The following NPC2 variants were observed in gnomAD, a reference collection of about 807,000 sequenced individuals.
NPC2 encodes the protein NPC intracellular cholesterol transporter 2, also known as Niemann-Pick disease type C2 protein.
In NPC2, 14 loss-of-function variants were observed where a neutral mutation model predicts 17.0. The ratio of observed to expected loss-of-function variants is 0.82; its 90% confidence interval spans 0.54 to 1.29. The LOEUF (loss-of-function observed/expected upper bound fraction) is 1.29, where lower values mean the gene tolerates loss of function less well. NPC2 is among the 50% of genes most tolerant of loss of function. The probability of loss-of-function intolerance (pLI) is 0.00; values close to 1 mark genes in which losing one functional copy is unlikely to be tolerated. For missense variants in NPC2, 167 were observed against 183.4 expected (o/e 0.91, Z 0.52); for synonymous variants, 75 against 69.3 (o/e 1.08, Z -0.41).
chr14:74,480,675 T>C lies in NPC2; in HGVS notation c.441+27A>G, dbSNP rs368198137. 130 of 1,575,908 alleles carry C rather than the reference T, an allele frequency of 8.2e-5. 1 individual carries two copies. Among genetic ancestry groups the C allele is most frequent in the South Asian group, 3.4e-4 (31 of 90,284 alleles). On this transcript the variant is annotated intron_variant, in intron 4 of 4. Transcript: ENST00000555619. Reference sequence around the variant, plus strand: ...TCCTCCACTTTCTTCCCTCCACCCATGCCCTCTCACCCCCAGATAGACTTA... The same window carrying C: ...TCCTCCACTTTCTTCCCTCCACCCACGCCCTCTCACCCCCAGATAGACTTA...
rs186357196 is a variant in NPC2, at chr14:74,487,968, C to T, written c.83-1532G>A. On this transcript the variant is annotated intron_variant, in intron 1 of 4. Transcript: ENST00000555619. ...GTCACATTGCCTGGAAGGGGCAGAT[C>T]GAAGACTCAATGGGTGGGCCTGACT... Among the ~76,000 whole-genome samples the T allele has an allele frequency of 1.7e-3, 264 of 152,276 alleles. 3 individuals are homozygous for T. Among genetic ancestry groups the T allele is most frequent in the Non-Finnish European group, 1.0e-3 (68 of 68,012 alleles).
intron 1 of NPC2, among the ~76,000 whole-genome samples, chr14:74,489,683 T>C (rs2086751081): frequency 6.6e-6 from 1 of 152,248 alleles, no homozygotes. Flanking sequence ...CCCCAGAGAC[T>C]GGGCAGTTGA....
intron 4 of NPC2, 28 bp from the exon 5 acceptor site, chr14:74,480,316 G>A: frequency 1.3e-6 from 2 of 1,595,450 alleles, no homozygotes; most frequent in Non-Finnish European, 1.7e-6. Context: ...CAGCTCAGTG[G>A]AAGTGGTTTG....
chr14:74,483,342 AG>A, intron 3 of NPC2: 1 of 1,362,076 alleles, frequency 7.3e-7, no homozygotes, highest in Non-Finnish European at 1.0e-6. Context: ...GGCAAAGAAC[AG>A]GGCCAGAATT....
chr14:74,491,212 A>G (rs1343662793), intron 1 of NPC2, among the ~76,000 whole-genome samples: 2 of 152,128 alleles, frequency 1.3e-5, no homozygotes, highest in African/African-American at 4.8e-5. Flanking sequence ...AGCTGGGACT[A>G]CAGGTGCACA....
rs113349696 is a variant in NPC2, at chr14:74,493,090, C to T, written c.82+103G>A. 9.0e-6 allele frequency: 13 copies of T among 1,444,734 alleles called. No individual in the cohort carries two copies. The highest frequency in any genetic ancestry group is 1.2e-5 in the Non-Finnish European group (13 of 1,063,092). 89.5% of individuals were successfully genotyped at this position (1,444,734 alleles called of 1,614,324 possible). The stretch of plus-strand genomic sequence containing the variant: ...GGTAGGGTCCAAGGCTCAGCCTGGC[C>T]GCCCGAGGGATCCGCCCAGCCCAGC... On this transcript the variant is annotated intron_variant, in intron 1 of 4. Coordinates refer to ENST00000555619, the MANE Select transcript of NPC2 (RefSeq NM_006432.5). The surrounding 1 kb of genome is among the most constrained non-coding windows in gnomAD (Gnocchi z 4.1).
Position 74,484,395 on chromosome 14 carries a change from T to G in NPC2, c.363+20A>C. ...TCCAGTCCCAAGGCCTCCCGTGTCC[T>G]CAATAATGGTATCACTTACAGAGGG... is the stretch of plus-strand genomic sequence containing the variant. On this transcript the variant is annotated intron_variant, in intron 3 of 4. Coordinates refer to ENST00000555619, the MANE Select transcript of NPC2 (RefSeq NM_006432.5). 6.2e-7 allele frequency: 1 copy of G among 1,613,852 alleles called. No homozygotes were observed. Among genetic ancestry groups the G allele is most frequent in the Non-Finnish European group, 8.5e-7 (1 of 1,179,778 alleles).
chr14:74,491,175 C>T (rs1026661831), intron 1 of NPC2, among the ~76,000 whole-genome samples: 3 of 152,100 alleles, frequency 2.0e-5, no homozygotes, highest in Non-Finnish European at 2.9e-5. Context: ...CGGGTTCAAG[C>T]GATTCTCCTG....
chr14:74,486,303 T>C (rs779336807), intron 2 of NPC2, 26 bp downstream of exon 2: 1 of 1,544,492 alleles, frequency 6.5e-7, no homozygotes, highest in South Asian at 1.2e-5. Context: ...TAACATGAAT[T>C]TGAGTTAAGA....
At chr14:74,493,440 C>T, upstream of NPC2, 1 of 1,492,086 alleles carries the variant, frequency 6.7e-7, no homozygotes, top group South Asian at 1.2e-5. The surrounding 1 kb of genome is among the most constrained non-coding windows in gnomAD (Gnocchi z 4.1). Flanking sequence ...AAAGCCAGCT[C>T]CAGCCCTCTC....
At chr14:74,480,976 T>C (rs1418602352) in intron 3 of NPC2, among the ~76,000 whole-genome samples, 197 bp from the exon 4 acceptor site, 1 of 152,240 alleles carries the variant, frequency 6.6e-6, no homozygotes, top group East Asian at 1.9e-4. Context: ...ATACTTGTGA[T>C]TTGATGCTAG....
chr14:74,483,061 T>C (rs2139666655), intron 3 of NPC2: 1 of 1,308,514 alleles, frequency 7.6e-7, no homozygotes, highest in South Asian at 1.2e-5. Context: ...TGTTGAAAAA[T>C]ATGACCCAAC....
At chr14:74,486,242 C>T in intron 2 of NPC2, 87 bp downstream of exon 2, 1 of 1,183,860 alleles carries the variant, frequency 8.4e-7, no homozygotes, top group Non-Finnish European at 1.2e-6. Flanking sequence ...GCCAATTCCC[C>T]TCCCCTCCAT....
Position 74,479,988 on chromosome 14 carries a change from C to T in NPC2, c.*286G>A, listed in dbSNP as rs1334614882. The T allele has an allele frequency of 1.4e-6, 2 of 1,384,922 alleles. No homozygotes were observed. The highest frequency in any genetic ancestry group is 2.9e-5 in the Admixed American group (1 of 34,236). 85.8% of individuals were successfully genotyped at this position (1,384,922 alleles called of 1,614,324 possible). ...TTTTATTTATTCAAGAGTAAATTTCCAGGTGTAGAAAGAGGCCACAAGTTA... is the reference window on the plus strand; with the variant it reads ...TTTTATTTATTCAAGAGTAAATTTCTAGGTGTAGAAAGAGGCCACAAGTTA... On this transcript the variant is annotated 3_prime_UTR_variant, in exon 5 of 5. Coordinates refer to ENST00000555619, the MANE Select transcript of NPC2 (RefSeq NM_006432.5).
At chr14:74,480,623 G>C in intron 4 of NPC2, 79 bp downstream of exon 4, 1 of 1,156,214 alleles carries the variant, frequency 8.6e-7, no homozygotes, top group Non-Finnish European at 1.3e-6. Context: ...TTATCTTATG[G>C]CACTGATTTA....
intron 1 of NPC2, among the ~76,000 whole-genome samples, chr14:74,488,077 G>A (rs571542850): frequency 2.6e-5 from 4 of 152,276 alleles, no homozygotes; most frequent in African/African-American, 9.6e-5. Context: ...AAGGAAATTT[G>A]CATCTGAGAA....
At position 74,493,244 on chromosome 14, in the gene NPC2, G is replaced by A. The variant is rs757371092; in HGVS notation, c.31C>T (p.Leu11=). 3 of 1,613,372 alleles carry A rather than the reference G, an allele frequency of 1.9e-6. No individual in the cohort carries two copies. Among genetic ancestry groups the A allele is most frequent in the South Asian group, 2.2e-5 (2 of 90,908 alleles). The change falls in exon 1 of 5, where the codon CTG becomes TTG. Residue 11 remains leucine (L), a synonymous_variant. Coordinates refer to ENST00000555619, the MANE Select transcript of NPC2 (RefSeq NM_006432.5). The surrounding 1 kb of genome is among the most constrained non-coding windows in gnomAD (Gnocchi z 4.1). ...GCCTGGGCAGCGGTGCTGAGCGCCAGGAGCAGGAATGTAGCTGCCAGGAAA... is the reference window on the plus strand; with the variant it reads ...GCCTGGGCAGCGGTGCTGAGCGCCAAGAGCAGGAATGTAGCTGCCAGGAAA... MRFLAATFLL[L]ALSTAAQAEP...
chr14:74,483,233 C>T, intron 3 of NPC2: 2 of 930,330 alleles, frequency 2.1e-6, no homozygotes, highest in Non-Finnish European at 3.4e-6. Flanking sequence ...GTTTGACTTA[C>T]AGGACCTGAG....
At chr14:74,486,202 G>C (rs887641921) in intron 2 of NPC2, 127 bp downstream of exon 2, 9 of 890,148 alleles carry the variant, frequency 1.0e-5, no homozygotes, top group Middle Eastern at 4.2e-4. Context: ...CTTTGCATGA[G>C]GTGCAAAAGA....
Sources: gnomAD v4.1 joint callset for allele counts (sites outside exome capture counted in the v4.1 genomes callset) on GRCh38, gnomAD v4.1.1 for gene constraint, Gnocchi (gnomAD v3.1) non-coding constraint, MANE v1.5 for transcripts, NCBI Gene and HGNC (gene_info 2026-07-23, HGNC 2026-07-21) for gene names.